SPATA7: variants seen among roughly 807,000 people sequenced by gnomAD.
SPATA7 encodes spermatogenesis associated 7.
In SPATA7, 43 loss-of-function variants were observed where a neutral mutation model predicts 51.8. The ratio of observed to expected loss-of-function variants is 0.83; its 90% confidence interval spans 0.65 to 1.07. The LOEUF is 1.07. Ranked by LOEUF, SPATA7 falls within the 50% of genes least tolerant of loss-of-function variation. SPATA7 has a pLI of 0.00. For synonymous variants in SPATA7, 230 were observed against 252.8 expected (o/e 0.91, Z 0.86); for missense variants, 683 against 701.3 (o/e 0.97, Z 0.30).
intron 3 of SPATA7, among the ~76,000 whole-genome samples, chr14:88,454,394 T>A (rs1595316426): frequency 6.6e-6 from 1 of 152,302 alleles, no homozygotes; most frequent in East Asian, 1.9e-4. Context: ...TTTAGTCACA[T>A]CTGCACAGTC....
At chr14:88,437,033 A>G (rs2077108105) in intron 10 of SPATA7, among the ~76,000 whole-genome samples, 1 of 149,866 alleles carries the variant, frequency 6.7e-6, no homozygotes, top group East Asian at 1.9e-4. Context: ...ACATTTTAAC[A>G]ATATTGATTC....
chr14:88,454,261 GC>G (rs2077269908), intron 3 of SPATA7, among the ~76,000 whole-genome samples: 1 of 152,102 alleles, frequency 6.6e-6, no homozygotes, highest in African/African-American at 2.4e-5. Flanking sequence ...GTCACTTGTG[GC>G]ATCTTCCTCC....
At chr14:88,444,425 T>A (rs1437087112) in intron 3 of SPATA7, among the ~76,000 whole-genome samples, 2 of 151,496 alleles carry the variant, frequency 1.3e-5, no homozygotes, top group African/African-American at 2.4e-5. Flanking sequence ...TTTCTCCCAT[T>A]TTTTAGGTTG....
At chr14:88,402,724 A>G (rs2076095373) in intron 4 of SPATA7, among the ~76,000 whole-genome samples, 1 of 152,168 alleles carries the variant, frequency 6.6e-6, no homozygotes, top group Non-Finnish European at 1.5e-5. Context: ...CATAGAAAAA[A>G]AGCTTCTTGG....
chr14:88,461,763 G>C lies in SPATA7; in HGVS notation c.255-8084G>C, dbSNP rs187490087. ...CCCGTGAGATGAACCCGGTACCTCA[G>C]TTGGAAATGCAGAAATCACCTGTCT... On this transcript the variant is annotated intron_variant, in intron 4 of 4. Coordinates refer to the SPATA7 transcript ENST00000556406. Among the ~76,000 whole-genome samples, 24 of 152,254 alleles carry C rather than the reference G, an allele frequency of 1.6e-4. No individual in the cohort carries two copies. The East Asian group carries it at 4.6e-3, about 29-fold the overall frequency.
downstream of SPATA7, among the ~76,000 whole-genome samples, chr14:88,460,203 C>T (rs1239400117): frequency 1.2e-4 from 18 of 152,192 alleles, no homozygotes; most frequent in East Asian, 7.7e-4. Context: ...TTGCTCTTCT[C>T]GAGGATTATC....
rs757336879 is a variant in SPATA7, at chr14:88,393,343, T to C, written c.95-50T>C. ...AATAATCAGTGCCTTGTTTATCTCA[T>C]GATTTTTATATTAGTTTTAAATATA... On this transcript the variant is annotated intron_variant, in intron 2 of 11. Transcript: ENST00000393545. 1.6e-5 allele frequency: 20 copies of C among 1,274,216 alleles called. No homozygotes were observed. In the African/African-American group the frequency reaches 2.1e-4, roughly 13 times the overall value. The allele number at this position is 1,274,216 out of a possible 1,614,324, so 78.9% of individuals were successfully genotyped here. A position where few individuals can be genotyped will look rare whatever the true frequency, so the allele number is the denominator to read the frequency against.
downstream of SPATA7, among the ~76,000 whole-genome samples, chr14:88,458,064 C>T (rs1237350491): frequency 6.6e-6 from 1 of 152,044 alleles, no homozygotes. Context: ...GCCTTGCATC[C>T]CAGGGATGAA....
At chr14:88,421,739 A>G in intron 5 of SPATA7, among the ~76,000 whole-genome samples, 1 of 152,146 alleles carries the variant, frequency 6.6e-6, no homozygotes, top group Non-Finnish European at 1.5e-5. Flanking sequence ...TCACAAGGTC[A>G]GGAGTTCGAG....
intron 7 of SPATA7, 106 bp from the exon 8 acceptor site, chr14:88,429,242 A>G (rs2076876063): frequency 1.2e-5 from 8 of 672,308 alleles, no homozygotes; most frequent in East Asian, 5.6e-5. Flanking sequence ...TATAATTTTT[A>G]TCTACTGGAT....
chr14:88,462,870 CCTTT>C (rs1308835807), intron 4 of SPATA7, among the ~76,000 whole-genome samples: 9 of 152,128 alleles, frequency 5.9e-5, no homozygotes, highest in Admixed American at 2.6e-4. Flanking sequence ...CACAATGATT[CCTTT>C]CTTGTCATCC....
chr14:88,397,356 T>C (rs1017504611), intron 4 of SPATA7, among the ~76,000 whole-genome samples: 2 of 152,114 alleles, frequency 1.3e-5, no homozygotes, highest in African/African-American at 4.8e-5. Flanking sequence ...CATTTCTAAC[T>C]TAAAAATTAT....
Position 88,416,659 on chromosome 14 carries a change from A to G in SPATA7, c.239-52A>G, listed in dbSNP as rs1018690355. The G allele has an allele frequency of 5.6e-6, 9 of 1,598,576 alleles. No homozygotes were observed. In the African/African-American group the frequency reaches 1.2e-4, roughly 21 times the overall value. ...ATTTATTACTCTAACAAGACCAAAA[A>G]ACCAATTTTCTATTTTGTTCCATAT... On this transcript the variant is annotated intron_variant, in intron 4 of 11. Coordinates refer to ENST00000393545, the MANE Select transcript of SPATA7 (RefSeq NM_018418.5).
intron 3 of SPATA7, among the ~76,000 whole-genome samples, chr14:88,443,551 A>G (rs1178418309): frequency 3.3e-5 from 5 of 152,290 alleles, no homozygotes; most frequent in Admixed American, 2.6e-4. Flanking sequence ...TTACATATGT[A>G]TACATGTGCC....
chr14:88,390,511 G>T (rs1277606179), intron 1 of SPATA7, among the ~76,000 whole-genome samples: 3 of 152,140 alleles, frequency 2.0e-5, no homozygotes, highest in Non-Finnish European at 4.4e-5. Flanking sequence ...AATAGTTCCT[G>T]TCAAAGGCCC....
At position 88,398,650 on chromosome 14, in the gene SPATA7, T is replaced by TA. The variant is rs903578571; in HGVS notation, c.238+2456dup. Among the ~76,000 whole-genome samples, 26 of 148,592 alleles carry TA rather than the reference T, an allele frequency of 1.7e-4. 1 individual carries two copies. Among genetic ancestry groups the TA allele is most frequent in the Non-Finnish European group, 3.1e-4 (21 of 66,794 alleles). ...ATAATAATAAAATTTTAAAAAAAGA[T>TA]AAAAAAAAATCAGTGTTATAAATTT... On this transcript the variant is annotated intron_variant, in intron 4 of 11. Coordinates refer to ENST00000393545, the MANE Select transcript of SPATA7 (RefSeq NM_018418.5).
At position 88,461,093 on chromosome 14, in the gene SPATA7, G is replaced by A. The variant is rs551646928; in HGVS notation, c.255-8754G>A. The stretch of plus-strand genomic sequence containing the variant: ...AAGCTTCATCTCAGAGGGGCACCTG[G>A]CCATGTGAGGTGTCAGTCTGCCCCT... On this transcript the variant is annotated intron_variant, in intron 4 of 4. Coordinates refer to the SPATA7 transcript ENST00000556406. Among the ~76,000 whole-genome samples the A allele has an allele frequency of 2.0e-3, 298 of 152,312 alleles. 1 individual carries two copies. The highest frequency in any genetic ancestry group is 6.8e-3 in the African/African-American group (281 of 41,576).
chr14:88,438,340 A>G lies in SPATA7; in HGVS notation c.1718A>G (p.Lys573Arg). The change falls in exon 12 of 12, where the codon AAA becomes AGA. Residue 573 changes from lysine (K) to arginine (R), a missense_variant. Transcript: ENST00000393545. ...PSQSVQFSSV[K>R]GDNNHDMELS... is the part of the protein sequence containing the mutation. ...CAATCTGTTCAGTTCTCCAGTGTCA[A>G]AGGCGACAATAATCATGACATGGAG... The G allele has an allele frequency of 6.2e-7, 1 of 1,614,044 alleles. No homozygotes were observed. The highest frequency in any genetic ancestry group is 8.5e-7 in the Non-Finnish European group (1 of 1,179,966).
chr14:88,453,946 T>A (rs1225611417), intron 3 of SPATA7, among the ~76,000 whole-genome samples: 1 of 152,184 alleles, frequency 6.6e-6, no homozygotes, highest in Non-Finnish European at 1.5e-5. Context: ...CATTCTGCTT[T>A]GTGCTCATAT....
Sources: gnomAD v4.1 joint callset for allele counts (sites outside exome capture counted in the v4.1 genomes callset) on GRCh38, gnomAD v4.1.1 for gene constraint, MANE v1.5 for transcripts, NCBI Gene and HGNC (gene_info 2026-07-23, HGNC 2026-07-21) for gene names.